The following ZNF385D variants were observed in gnomAD, a reference collection of about 807,000 sequenced individuals.
ZNF385D encodes the protein zinc finger protein 385D.
In ZNF385D, 15 loss-of-function variants were observed where a neutral mutation model predicts 35.8. The observed-to-expected ratio is 0.42, with a 90% CI of 0.28 to 0.64. ZNF385D has a LOEUF of 0.64. Ranked by LOEUF, ZNF385D falls within the 30% of genes least tolerant of loss-of-function variation. ZNF385D has a pLI of 0.23. For synonymous variants in ZNF385D, 212 were observed against 186.8 expected (o/e 1.13, Z -1.10); for missense variants, 474 against 494.6 (o/e 0.96, Z 0.39).
chr3:22,085,672 T>C (rs1013847083), intron 3 of ZNF385D, among the ~76,000 whole-genome samples: 2 of 151,668 alleles, frequency 1.3e-5, no homozygotes, highest in Non-Finnish European at 3.0e-5. Context: ...TACCATTTCT[T>C]CTGAAAGTAT....
At chr3:21,804,087 G>C (rs924253683) in intron 3 of ZNF385D, among the ~76,000 whole-genome samples, 1 of 152,156 alleles carries the variant, frequency 6.6e-6, no homozygotes, top group Admixed American at 6.5e-5. Flanking sequence ...TTTCAGTTGA[G>C]AAATCAGTGC....
chr3:21,577,436 T>C (rs2063526029), intron 2 of ZNF385D, among the ~76,000 whole-genome samples: 1 of 152,204 alleles, frequency 6.6e-6, no homozygotes, highest in Non-Finnish European at 1.5e-5. Context: ...TAATTCCGTA[T>C]CTTAGCTATT....
chr3:22,179,822 C>T (rs568975644), intron 2 of ZNF385D, among the ~76,000 whole-genome samples: 4 of 152,080 alleles, frequency 2.6e-5, no homozygotes, highest in Non-Finnish European at 5.9e-5. Flanking sequence ...TAAATGCCCA[C>T]AAGAGAAAGC....
intron 1 of ZNF385D, among the ~76,000 whole-genome samples, chr3:21,739,287 T>C (rs2069391781): frequency 6.6e-6 from 1 of 152,232 alleles, no homozygotes; most frequent in Admixed American, 6.5e-5. Context: ...TGCCAGGCTC[T>C]GTGCTAGGAA....
intron 3 of ZNF385D, among the ~76,000 whole-genome samples, chr3:21,776,218 A>G (rs1225522460): frequency 6.6e-6 from 1 of 151,932 alleles, no homozygotes; most frequent in Non-Finnish European, 1.5e-5. Flanking sequence ...ATAGAATGGC[A>G]AAGGACATCC....
chr3:21,559,567 A>G (rs2062865154), intron 3 of ZNF385D, among the ~76,000 whole-genome samples: 1 of 152,158 alleles, frequency 6.6e-6, no homozygotes, highest in Non-Finnish European at 1.5e-5. Flanking sequence ...GGGTAACCCA[A>G]CCTTCCTCCC....
intron 3 of ZNF385D, among the ~76,000 whole-genome samples, chr3:21,931,285 A>C (rs915642092): frequency 2.6e-5 from 4 of 152,296 alleles, no homozygotes; most frequent in African/African-American, 9.6e-5. Context: ...ATAAAAAGGA[A>C]AGACAGTAAC....
chr3:22,075,496 C>T (rs537287008), intron 3 of ZNF385D, among the ~76,000 whole-genome samples: 4 of 151,816 alleles, frequency 2.6e-5, no homozygotes, highest in Non-Finnish European at 1.5e-5. Flanking sequence ...CTTCACTTTC[C>T]CACTCTCTCC....
intron 3 of ZNF385D, among the ~76,000 whole-genome samples, chr3:21,779,323 C>A (rs1462018986): frequency 6.6e-6 from 1 of 151,724 alleles, no homozygotes; most frequent in Non-Finnish European, 1.5e-5. Flanking sequence ...ATAGTTCAAG[C>A]ATTTGTATTC....
chr3:22,098,415 G>A (rs1701748862), intron 3 of ZNF385D, among the ~76,000 whole-genome samples: 1 of 152,036 alleles, frequency 6.6e-6, no homozygotes, highest in Admixed American at 6.6e-5. Flanking sequence ...TAGGAAAAGG[G>A]AGCATTTGGG....
chr3:21,504,091 G>A (rs984843346), intron 4 of ZNF385D, among the ~76,000 whole-genome samples: 1 of 152,126 alleles, frequency 6.6e-6, no homozygotes, highest in Non-Finnish European at 1.5e-5. Context: ...ACGTGATAAA[G>A]AGAATTATGT....
intron 3 of ZNF385D, among the ~76,000 whole-genome samples, chr3:22,074,673 T>C (rs1301872226): frequency 6.6e-6 from 1 of 151,928 alleles, no homozygotes; most frequent in Non-Finnish European, 1.5e-5. Context: ...ATGCTCCCAT[T>C]CTCCAATGAG....
At chr3:21,709,764 T>C (rs1422778610) in intron 1 of ZNF385D, among the ~76,000 whole-genome samples, 3 of 152,234 alleles carry the variant, frequency 2.0e-5, no homozygotes, top group Non-Finnish European at 4.4e-5. Context: ...AAGTTAGATA[T>C]ACACTTAATA....
chr3:21,894,956 C>T (rs561221390), intron 3 of ZNF385D, among the ~76,000 whole-genome samples: 1 of 152,106 alleles, frequency 6.6e-6, no homozygotes, highest in Admixed American at 6.6e-5. Context: ...AAAATCACCA[C>T]CCAGCAAAAC....
chr3:21,825,249 G>A (rs1694526474), intron 3 of ZNF385D, among the ~76,000 whole-genome samples: 1 of 152,124 alleles, frequency 6.6e-6, no homozygotes, highest in African/African-American at 2.4e-5. Flanking sequence ...AGATCCAGGT[G>A]AAACCCCCTT....
chr3:22,110,074 A>C (rs562301818), intron 3 of ZNF385D, among the ~76,000 whole-genome samples: 1 of 152,268 alleles, frequency 6.6e-6, no homozygotes, highest in Admixed American at 6.5e-5. Flanking sequence ...AATGCAAATC[A>C]AAACCACAAT....
intron 2 of ZNF385D, among the ~76,000 whole-genome samples, chr3:22,301,818 T>C (rs761325932): frequency 1.1e-4 from 17 of 152,108 alleles, no homozygotes; most frequent in Non-Finnish European, 1.9e-4. Flanking sequence ...GCAATATATA[T>C]AACTATTGTC....
intron 3 of ZNF385D, among the ~76,000 whole-genome samples, chr3:21,813,816 G>A (rs1029108747): frequency 6.6e-6 from 1 of 152,110 alleles, no homozygotes; most frequent in Non-Finnish European, 1.5e-5. Flanking sequence ...AATCTAGCAA[G>A]GCAGGCCAAC....
intron 3 of ZNF385D, among the ~76,000 whole-genome samples, chr3:21,970,078 T>A (rs1490248765): frequency 6.6e-6 from 1 of 152,140 alleles, no homozygotes; most frequent in African/African-American, 2.4e-5. Context: ...ATCTGAATAC[T>A]TGGAAATGCT....
Sources: gnomAD v4.1 joint callset for allele counts (sites outside exome capture counted in the v4.1 genomes callset) on GRCh38, gnomAD v4.1.1 for gene constraint, MANE v1.5 for transcripts, NCBI Gene and HGNC (gene_info 2026-07-23, HGNC 2026-07-21) for gene names.